Variants in PPP2R5B observed in about 807,000 individuals in gnomAD.
The protein encoded by PPP2R5B is protein phosphatase 2 regulatory subunit B'beta, also known as serine/threonine-protein phosphatase 2A 56 kDa regulatory subunit beta isoform.
Under a neutral mutation model 59.9 loss-of-function variants are expected in PPP2R5B, and 19 were observed. The observed-to-expected ratio is 0.32, with a 90% confidence interval of 0.22 to 0.47. The LOEUF is 0.47. Ranked by LOEUF, PPP2R5B falls within the 20% of genes least tolerant of loss-of-function variation. The probability of loss-of-function intolerance (pLI) is 1.00; values close to 1 mark genes in which losing one functional copy is unlikely to be tolerated. For missense variants in PPP2R5B, 441 were observed against 640.2 expected (o/e 0.69, Z 3.36); for synonymous variants, 286 against 260.5 (o/e 1.10, Z -0.94).
Position 64,934,349 on chromosome 11 carries a change from AG to A in PPP2R5B, c.*510del, listed in dbSNP as rs1239469016. On this transcript the variant is annotated 3_prime_UTR_variant, in exon 14 of 14. Transcript: ENST00000164133. ...CTTGTCCCCTTTTTATTTATTGGGC[AG>A]GGGGAGGGGGAGGGCACAGGCAAGA... 2 of 266,360 alleles carry A rather than the reference AG, an allele frequency of 7.5e-6. No homozygotes were observed. 16.5% of individuals were successfully genotyped at this position (266,360 alleles called of 1,614,324 possible). A position where few individuals can be genotyped will look rare whatever the true frequency, so the allele number is the denominator to read the frequency against.
At chr11:64,920,943 C>CTATATATATATATATA (rs59230229), upstream of PPP2R5B, among the ~76,000 whole-genome samples, 294 of 134,932 alleles carry the variant, frequency 2.2e-3, 2 homozygotes, top group Admixed American at 8.8e-3. Context: ...TCCAGCAGTT[C>CTATATATATATATATA]TATATATATA....
intron 13 of PPP2R5B, 30 bp from the exon 14 acceptor site, chr11:64,933,667 A>G: frequency 6.5e-7 from 1 of 1,537,460 alleles, no homozygotes. Flanking sequence ...GGGCCCCAGG[A>G]AAGGGAGCTG....
chr11:64,929,291 C>G (rs550943077), intron 6 of PPP2R5B, among the ~76,000 whole-genome samples: 30 of 152,292 alleles, frequency 2.0e-4, no homozygotes, highest in African/African-American at 7.0e-4. Flanking sequence ...GCACCAGCAC[C>G]CACTGGGCAT....
At position 64,929,500 on chromosome 11, in the gene PPP2R5B, C is replaced by T. The variant is rs569356710; in HGVS notation, c.723-822C>T. Among the ~76,000 whole-genome samples the T allele has an allele frequency of 2.6e-5, 4 of 152,254 alleles. No homozygotes were observed. The East Asian group carries it at 7.7e-4, about 29-fold the overall frequency. On this transcript the variant is annotated intron_variant, in intron 6 of 13. Coordinates refer to ENST00000164133, the MANE Select transcript of PPP2R5B (RefSeq NM_006244.4). ...CAGCACTTTGGGAGTTGGAGGTGGG[C>T]AGATCACTTGAGATCAGGAGTTCAA...
At position 64,925,621 on chromosome 11, in the gene PPP2R5B, C is replaced by A. The variant is rs1020108844; in HGVS notation, c.-114C>A. 3.6e-6 allele frequency: 2 copies of A among 549,212 alleles called. No individual in the cohort carries two copies. The highest frequency in any genetic ancestry group is 6.5e-6 in the Non-Finnish European group (2 of 309,180). The allele number at this position is 549,212 out of a possible 1,614,324, so 34.0% of individuals were successfully genotyped here. A position where few individuals can be genotyped will look rare whatever the true frequency, so the allele number is the denominator to read the frequency against. On this transcript the variant is annotated 5_prime_UTR_variant, in exon 2 of 14. Transcript: ENST00000164133. This position sits in a 1 kb window ranked among gnomAD's most constrained non-coding sequence, Gnocchi z 4.6. ...GCCCAGGACTGTGGTTGTGCCCCCC[C>A]CCCAAAGGCCGGACAGGATGGGACC... is the stretch of plus-strand genomic sequence containing the variant.
At chr11:64,930,876 C>T (rs1021104859) in intron 8 of PPP2R5B, among the ~76,000 whole-genome samples, 4 of 152,036 alleles carry the variant, frequency 2.6e-5, no homozygotes, top group East Asian at 3.9e-4. Context: ...GATTTTGATA[C>T]ACAATTTTTT....
rs367672890 is a variant in PPP2R5B at position 64,931,251 on chromosome 11, G to T, written c.892-185G>T. On this transcript the variant is annotated intron_variant, in intron 8 of 13. Coordinates refer to ENST00000164133, the MANE Select transcript of PPP2R5B (RefSeq NM_006244.4). The surrounding 1 kb of genome is among the most constrained non-coding windows in gnomAD (Gnocchi z 5.0). ...TGTCCCCACTCCCCGCGAGATCAGAGTTGTATTCCCAGCACACTGAATGTG... is the reference window on the plus strand; with the variant it reads ...TGTCCCCACTCCCCGCGAGATCAGATTTGTATTCCCAGCACACTGAATGTG... Among the ~76,000 whole-genome samples the T allele has an allele frequency of 1.9e-4, 29 of 152,306 alleles. 1 individual carries two copies. In the South Asian group the frequency reaches 6.0e-3, roughly 32 times the overall value.
chr11:64,931,051 A>AT lies in PPP2R5B; in HGVS notation c.892-375dup, dbSNP rs908346056. On this transcript the variant is annotated intron_variant, in intron 8 of 13. Coordinates refer to ENST00000164133, the MANE Select transcript of PPP2R5B (RefSeq NM_006244.4). The surrounding 1 kb of genome is among the most constrained non-coding windows in gnomAD (Gnocchi z 5.0). ...CCACATGCCTGGCTAATTAAAAAAA[A>AT]TTTTTTTTTTGTAGAGACAGTGTCT... 1.1e-4 allele frequency among the ~76,000 whole-genome samples: 17 copies of AT among 150,076 alleles called. No homozygotes were observed. Among genetic ancestry groups the AT allele is most frequent in the East Asian group, 5.9e-4 (3 of 5,102 alleles).
At position 64,930,550 on chromosome 11, in the gene PPP2R5B, C is replaced by T; in HGVS notation, c.852C>T (p.Pro284=). ...HKQFLVRVLI[P]LHSVKSLSVF... The stretch of plus-strand genomic sequence containing the variant: ...AGTTCCTGGTTCGCGTCCTGATCCC[C>T]CTGCACTCTGTCAAGTCGCTGTCTG... The change falls in exon 8 of 14, where the codon CCC becomes CCT. Residue 284 remains proline (P), a synonymous_variant. Transcript: ENST00000164133. 1 of 1,614,222 alleles carries T rather than the reference C, an allele frequency of 6.2e-7. No individual in the cohort carries two copies. The highest frequency in any genetic ancestry group is 1.1e-5 in the South Asian group (1 of 91,084).
chr11:64,928,742 G>A (rs548740966), intron 6 of PPP2R5B, among the ~76,000 whole-genome samples: 1 of 152,310 alleles, frequency 6.6e-6, no homozygotes, highest in East Asian at 1.9e-4. Context: ...AAATTAGCCG[G>A]GCGCGGTGGC....
rs762106002 is a variant in PPP2R5B at position 64,926,859 on chromosome 11, G to A, written c.347G>A (p.Ser116Asn). The change falls in exon 3 of 14, where the codon AGC (serine) becomes AAC (asparagine). Residue 116 changes from serine (S) to asparagine (N), a missense_variant. Around this residue, in one of 3 missense-constraint regions of PPP2R5B, gnomAD observed 268 missense variants for 488.1 expected, o/e 0.55. Transcript: ENST00000164133. Reference sequence around the variant, plus strand: ...AACGAGCTGGTGGAGTGTGTGGGGAGCACCCGGGGTGTCCTCATCGAGCCC... The same window carrying A: ...AACGAGCTGGTGGAGTGTGTGGGGAACACCCGGGGTGTCCTCATCGAGCCC... Reference protein sequence around the residue: ...ALNELVECVGSTRGVLIEPVY... With the variant: ...ALNELVECVGNTRGVLIEPVY... The A allele has an allele frequency of 1.9e-6, 3 of 1,614,188 alleles. No homozygotes were observed. The South Asian group carries it at 3.3e-5, about 18-fold the overall frequency.
At position 64,925,435 on chromosome 11, in the gene PPP2R5B, C is replaced by T. The variant is rs534440350; in HGVS notation, c.-264-36C>T. The T allele has an allele frequency of 3.1e-6, 1 of 318,668 alleles. No individual in the cohort carries two copies. The highest frequency in any genetic ancestry group is 8.0e-5 in the East Asian group (1 of 12,454). 19.7% of individuals were successfully genotyped at this position (318,668 alleles called of 1,614,324 possible). A position where few individuals can be genotyped will look rare whatever the true frequency, so the allele number is the denominator to read the frequency against. ...ACTGATGGGCTTTCTCTGTCTCTTT[C>T]TTGCTGATCTTTCTGCCTGACTTCG... On this transcript the variant is annotated intron_variant, in intron 1 of 13. Coordinates refer to ENST00000164133, the MANE Select transcript of PPP2R5B (RefSeq NM_006244.4). This position sits in a 1 kb window ranked among gnomAD's most constrained non-coding sequence, Gnocchi z 4.6.
intron 6 of PPP2R5B, among the ~76,000 whole-genome samples, chr11:64,928,777 G>A (rs982934968): frequency 3.9e-5 from 6 of 152,158 alleles, no homozygotes; most frequent in East Asian, 1.9e-4. Flanking sequence ...CCAGCTACTC[G>A]GGAGGCTGAG....
intron 3 of PPP2R5B, among the ~76,000 whole-genome samples, chr11:64,927,570 G>A (rs528443552): frequency 6.6e-5 from 10 of 152,318 alleles, no homozygotes; most frequent in African/African-American, 2.4e-4. Context: ...CGGGCATAGT[G>A]GTGTGCTACT....
chr11:64,919,576 C>CA (rs71471962), intron 1 of PPP2R5B, among the ~76,000 whole-genome samples: 31,028 of 139,280 alleles, frequency 0.22, 3,505 homozygotes, highest in East Asian at 0.49. Context: ...CCTGTGTCTA[C>CA]AAAAAAAAAA....
intron 12 of PPP2R5B, 106 bp from the exon 13 acceptor site, chr11:64,933,039 G>A: frequency 1.3e-6 from 2 of 1,491,932 alleles, no homozygotes; most frequent in Non-Finnish European, 1.9e-6. Context: ...AGGAAAGTGG[G>A]CAGTGCTTGT....
intron 2 of PPP2R5B, 107 bp from the exon 3 acceptor site, chr11:64,926,605 C>T (rs1343494991): frequency 8.1e-7 from 1 of 1,235,186 alleles, no homozygotes; most frequent in Non-Finnish European, 1.1e-6. Flanking sequence ...AGCATGGGGC[C>T]TGGGGGCAGC....
At chr11:64,926,021 C>A in intron 2 of PPP2R5B, 88 bp downstream of exon 2, 1 of 1,358,556 alleles carries the variant, frequency 7.4e-7, no homozygotes, top group South Asian at 1.3e-5. Context: ...CGGGCAGCTG[C>A]CAAGAGAGAG....
chr11:64,918,612 C>T (rs1367550326), intron 1 of PPP2R5B, among the ~76,000 whole-genome samples: 2 of 151,926 alleles, frequency 1.3e-5, no homozygotes, highest in Non-Finnish European at 2.9e-5. Context: ...ATTACAGGCA[C>T]GAGCCACCGT....
Sources: allele counts gnomAD v4.1 joint callset (sites outside exome capture counted in the v4.1 genomes callset), GRCh38; gene constraint gnomAD v4.1.1; regional missense constraint gnomAD v4.1.1; non-coding constraint Gnocchi (gnomAD v3.1); transcripts MANE v1.5; gene names NCBI Gene and HGNC (gene_info 2026-07-23, HGNC 2026-07-21).